Variants in MAPKBP1 observed in about 807,000 individuals in gnomAD.
MAPKBP1 encodes the protein mitogen-activated protein kinase-binding protein 1.
MAPKBP1 carries 71 observed loss-of-function variants against 170.5 expected under a neutral mutation model. That is an observed-to-expected ratio of 0.42 (90% CI 0.34 to 0.51). MAPKBP1 has a LOEUF of 0.51. Among genes scored for constraint, MAPKBP1 ranks in the 20% least tolerant of loss-of-function variants. The pLI, the probability that MAPKBP1 is intolerant of heterozygous loss-of-function variation, is 0.06. For missense variants in MAPKBP1, 1,598 were observed against 1,933.0 expected (o/e 0.83, Z 3.25); for synonymous variants, 719 against 757.9 (o/e 0.95, Z 0.84).
intron 30 of MAPKBP1, 69 bp from the exon 31 acceptor site, chr15:41,825,140 G>A: frequency 7.4e-7 from 1 of 1,353,632 alleles, no homozygotes; most frequent in Non-Finnish European, 1.0e-6. Context: ...CTGGACCCAG[G>A]TGGGGCCCCT....
At chr15:41,789,046 A>G (rs1478353609) in intron 2 of MAPKBP1, among the ~76,000 whole-genome samples, 3 of 152,154 alleles carry the variant, frequency 2.0e-5, no homozygotes, top group Admixed American at 2.0e-4. Context: ...AAGTTGTGTG[A>G]TTGTAGGGGC....
chr15:41,774,700 GGA>G, intron 1 of MAPKBP1, 90 bp downstream of exon 1: 1 of 398,948 alleles, frequency 2.5e-6, no homozygotes, highest in Non-Finnish European at 4.4e-6. Flanking sequence ...TGTGGAGGGC[GGA>G]GAGCGAGCTC....
chr15:41,774,647 C>G lies in MAPKBP1; in HGVS notation c.-110+37C>G, dbSNP rs549331033. ...CCCGAACGGGGGCGCTGACGAGTAG[C>G]AGGGGCCTCAGAGGCGGGTGAAAGA... is the stretch of plus-strand genomic sequence containing the variant. On this transcript the variant is annotated intron_variant, in intron 1 of 30. Transcript: ENST00000457542. 3.0e-5 allele frequency: 12 copies of G among 398,734 alleles called. No individual in the cohort carries two copies. In the East Asian group the frequency reaches 3.9e-4, roughly 13 times the overall value. 24.7% of individuals were successfully genotyped at this position (398,734 alleles called of 1,614,324 possible).
Position 41,810,925 on chromosome 15 carries a change from C to T in MAPKBP1, c.249C>T (p.His83=). The T allele has an allele frequency of 1.2e-6, 2 of 1,614,140 alleles. No homozygotes were observed. The highest frequency in any genetic ancestry group is 1.7e-6 in the Non-Finnish European group (2 of 1,180,040). The change falls in exon 4 of 31, where the codon CAC becomes CAT. Residue 83 remains histidine, a synonymous_variant. Coordinates refer to ENST00000457542, the MANE Select transcript of MAPKBP1 (RefSeq NM_014994.3). The part of the protein sequence containing the change: ...VLFNPRKHKQ[H]HILNSSRKTI... ...TCAATCCCCGGAAACACAAACAGCA[C>T]CACATCCTCAACAGTTCCAGGTAAA...
At chr15:41,792,222 A>G (rs1486913293) in intron 2 of MAPKBP1, among the ~76,000 whole-genome samples, 1 of 151,622 alleles carries the variant, frequency 6.6e-6, no homozygotes, top group African/African-American at 2.4e-5. Context: ...TCTCCTGGGA[A>G]TAGGCTAGTA....
rs145208274 is a variant in MAPKBP1, at chr15:41,823,609, G to T, written c.3761G>T (p.Arg1254Leu). ...ACCAGTTCCATGGCCAAGATATCCC[G>T]CAGTATCTCTGTTGGGGAGAACCTG... ...PTTSSMAKIS[R>L]SISVGENLGL... Residue 1254 changes from arginine to leucine, a missense_variant, in exon 29 of 31, where the codon CGC becomes CTC. This residue lies in a region of MAPKBP1 where 942 missense variants were observed against 953.2 expected (regional missense o/e 0.99). Transcript: ENST00000457542. 6.2e-7 allele frequency: 1 copy of T among 1,614,096 alleles called. No individual in the cohort carries two copies. Among genetic ancestry groups the T allele is most frequent in the Non-Finnish European group, 8.5e-7 (1 of 1,180,004 alleles).
chr15:41,788,576 A>G (rs1276739706), intron 2 of MAPKBP1, among the ~76,000 whole-genome samples: 1 of 152,198 alleles, frequency 6.6e-6, no homozygotes, highest in African/African-American at 2.4e-5. Flanking sequence ...TGGTCCTCGA[A>G]GGAAAGGTAG....
At chr15:41,798,989 G>A (rs1360907409) in intron 2 of MAPKBP1, among the ~76,000 whole-genome samples, 1 of 152,194 alleles carries the variant, frequency 6.6e-6, no homozygotes, top group Admixed American at 6.5e-5. Flanking sequence ...GAGGTTAGAG[G>A]GAAGTCTCAA....
chr15:41,818,096 G>C lies in MAPKBP1; in HGVS notation c.1980+12G>C, dbSNP rs771379803. ...GCACACTCATTAAGGTAAGGACCCA[G>C]AGGGGGTACTGGACAGGGGCTCGGG... is the stretch of plus-strand genomic sequence containing the variant. On this transcript the variant is annotated intron_variant, in intron 17 of 30. Coordinates refer to ENST00000457542, the MANE Select transcript of MAPKBP1 (RefSeq NM_014994.3). This position sits in a 1 kb window ranked among gnomAD's most constrained non-coding sequence, Gnocchi z 5.2. 1.2e-6 allele frequency: 2 copies of C among 1,614,038 alleles called. No individual in the cohort carries two copies. Among genetic ancestry groups the C allele is most frequent in the Non-Finnish European group, 1.7e-6 (2 of 1,179,888 alleles).
intron 12 of MAPKBP1, 108 bp downstream of exon 12, chr15:41,815,907 A>G: frequency 2.7e-6 from 3 of 1,120,242 alleles, no homozygotes; most frequent in Non-Finnish European, 3.8e-6. Flanking sequence ...CAAGATACTT[A>G]TTTACAAGGC....
At position 41,791,961 on chromosome 15, in the gene MAPKBP1, A is replaced by T. The variant is rs571181568; in HGVS notation, c.115-7862A>T. ...TCCCAGCTACTTGGGAGGCTGAGGC[A>T]GTAGAATCACTTGAACCCGGGAGGT... is the stretch of plus-strand genomic sequence containing the variant. On this transcript the variant is annotated intron_variant, in intron 2 of 30. Coordinates refer to ENST00000457542, the MANE Select transcript of MAPKBP1 (RefSeq NM_014994.3). Among the ~76,000 whole-genome samples, 3 of 151,784 alleles carry T rather than the reference A, an allele frequency of 2.0e-5. No homozygotes were observed. The South Asian group carries it at 6.3e-4, about 32-fold the overall frequency.
intron 2 of MAPKBP1, among the ~76,000 whole-genome samples, chr15:41,779,193 A>G (rs946962058): frequency 1.3e-5 from 2 of 152,144 alleles, no homozygotes; most frequent in African/African-American, 4.8e-5. Context: ...GAACGCATAT[A>G]TGATTTGGTA....
chr15:41,782,850 T>C (rs574102694), intron 2 of MAPKBP1, among the ~76,000 whole-genome samples: 1 of 152,362 alleles, frequency 6.6e-6, no homozygotes, highest in Non-Finnish European at 1.5e-5. Flanking sequence ...ACATTCCTTA[T>C]AAAAGTCAAT....
rs772637530 is a variant in MAPKBP1, at chr15:41,815,723, C to T, written c.1417C>T (p.Arg473Cys). Reference sequence around the variant, plus strand: ...AGCTGATGCATCCCTGTTGGATCCCCGCGTGGGCATCCGCTCGGTGTGTGT... The same window carrying T: ...AGCTGATGCATCCCTGTTGGATCCCTGCGTGGGCATCCGCTCGGTGTGTGT... ...DKADASLLDP[R>C]VGIRSVCVSP... is the part of the protein sequence containing the mutation. The change falls in exon 12 of 31, where the codon CGC becomes TGC. Residue 473 changes from arginine (R) to cysteine (C), a missense_variant. Physicochemically the swap from Arg to Cys is radical, Grantham distance 180. Coordinates refer to ENST00000457542, the MANE Select transcript of MAPKBP1 (RefSeq NM_014994.3). The T allele has an allele frequency of 2.5e-6, 4 of 1,614,178 alleles. No homozygotes were observed. The highest frequency in any genetic ancestry group is 2.2e-5 in the East Asian group (1 of 44,874).
In MAPKBP1 at chr15:41,823,759, T is replaced by A. The variant is rs2065043561; in HGVS notation, c.3911T>A (p.Leu1304Gln). The A allele has an allele frequency of 1.2e-6, 2 of 1,613,982 alleles. No homozygotes were observed. Among genetic ancestry groups the A allele is most frequent in the African/African-American group, 2.7e-5 (2 of 74,896 alleles). ...IPKPLPDRPT[L>Q]AAFSPVTKGR... is the part of the protein sequence containing the mutation. Reference sequence around the variant, plus strand: ...AAACCACTGCCTGACCGTCCTACCCTGGCTGCATTCTCTCCTGTCACCAAA... The same window carrying A: ...AAACCACTGCCTGACCGTCCTACCCAGGCTGCATTCTCTCCTGTCACCAAA... Residue 1304 changes from leucine to glutamine, a missense_variant, in exon 29 of 31, where the codon CTG becomes CAG. By Grantham distance (113) the Leu-to-Gln change is moderately radical (BLOSUM62 -2). This residue lies in a region of MAPKBP1 where 942 missense variants were observed against 953.2 expected (regional missense o/e 0.99). Transcript: ENST00000457542.
In MAPKBP1 at chr15:41,819,314, A is replaced by G; in HGVS notation, c.2360A>G (p.Asp787Gly). 6.2e-7 allele frequency: 1 copy of G among 1,614,164 alleles called. No homozygotes were observed. The highest frequency in any genetic ancestry group is 8.5e-7 in the Non-Finnish European group (1 of 1,180,020). ...TCAGACAGTGACAAGGAGGGAGAAG[A>G]TGAGGGGACTGAAGAAGAACTTCCA... Reference protein sequence around the residue: ...LSSDSDKEGEDEGTEEELPAL... With the variant: ...LSSDSDKEGEGEGTEEELPAL... Residue 787 changes from aspartate to glycine, a missense_variant, in exon 21 of 31, where the codon GAT becomes GGT. This residue lies in a region of MAPKBP1 where 942 missense variants were observed against 953.2 expected (regional missense o/e 0.99). Coordinates refer to ENST00000457542, the MANE Select transcript of MAPKBP1 (RefSeq NM_014994.3).
chr15:41,793,348 G>C (rs979864948), intron 2 of MAPKBP1, among the ~76,000 whole-genome samples: 1 of 152,104 alleles, frequency 6.6e-6, no homozygotes, highest in Non-Finnish European at 1.5e-5. Flanking sequence ...TTAGCCGGAC[G>C]TGGTGGCATG....
chr15:41,781,716 C>A (rs1455545800), intron 2 of MAPKBP1, among the ~76,000 whole-genome samples: 1 of 152,060 alleles, frequency 6.6e-6, no homozygotes, highest in Non-Finnish European at 1.5e-5. Context: ...TTAGAACAAC[C>A]CTTTGTGAAA....
At chr15:41,821,151 G>C in intron 23 of MAPKBP1, 83 bp downstream of exon 23, 1 of 1,274,630 alleles carries the variant, frequency 7.8e-7, no homozygotes, top group Non-Finnish European at 1.1e-6. Flanking sequence ...CTGAGCACTG[G>C]TCCAGCTATG....
Sources: allele counts gnomAD v4.1 joint callset (sites outside exome capture counted in the v4.1 genomes callset), GRCh38; gene constraint gnomAD v4.1.1; regional missense constraint gnomAD v4.1.1; non-coding constraint Gnocchi (gnomAD v3.1); transcripts MANE v1.5; gene names NCBI Gene and HGNC (gene_info 2026-07-23, HGNC 2026-07-21).